SOX5: variants seen among roughly 807,000 people sequenced by gnomAD.
SOX5 encodes SRY-box transcription factor 5.
A neutral mutation model predicts 92.0 loss-of-function variants in SOX5; 9 were observed. That is an observed-to-expected ratio of 0.10 (90% CI 0.06 to 0.17). SOX5 has a LOEUF of 0.17. Among genes scored for constraint, SOX5 ranks in the 10% least tolerant of loss-of-function variants. The pLI is 1.00. For missense variants in SOX5, 642 were observed against 944.5 expected (o/e 0.68, Z 4.20); for synonymous variants, 344 against 336.3 (o/e 1.02, Z -0.25).
At chr12:24,275,016 G>C (rs1944269675) in intron 3 of SOX5, among the ~76,000 whole-genome samples, 1 of 146,536 alleles carries the variant, frequency 6.8e-6, no homozygotes, top group African/African-American at 2.5e-5. Context: ...GATCTACTGA[G>C]CAGGAATCCT....
intron 4 of SOX5, among the ~76,000 whole-genome samples, chr12:23,744,129 C>G (rs1246615582): frequency 1.9e-4 from 29 of 152,086 alleles, no homozygotes; most frequent in Admixed American, 1.8e-3. Context: ...CTTAGCTAAC[C>G]TTTTCTTCTC....
rs192917237 is a variant in SOX5 at position 24,393,073 on chromosome 12, T to G, written c.-250-24434A>C. ...GAGTGTGTGGGGGCATAAGTATTTT[T>G]TTCTTTTCTATCTCAACCACCACTC... On this transcript the variant is annotated intron_variant, in intron 1 of 4. Transcript: ENST00000446891. The surrounding 1 kb of genome is among the most constrained non-coding windows in gnomAD (Gnocchi z 5.0). Among the ~76,000 whole-genome samples, 208 of 152,340 alleles carry G rather than the reference T, an allele frequency of 1.4e-3. No individual in the cohort carries two copies. Among genetic ancestry groups the G allele is most frequent in the Non-Finnish European group, 2.6e-3 (175 of 68,034 alleles).
intron 1 of SOX5, among the ~76,000 whole-genome samples, chr12:23,899,630 T>C (rs1440969315): frequency 6.6e-6 from 1 of 152,110 alleles, no homozygotes; most frequent in South Asian, 2.1e-4. Context: ...CAGACAAATA[T>C]AATCTAATGT....
intron 1 of SOX5, among the ~76,000 whole-genome samples, chr12:24,520,674 A>G (rs1157116741): frequency 6.6e-6 from 1 of 152,110 alleles, no homozygotes; most frequent in East Asian, 1.9e-4. Flanking sequence ...AATGAGTTAA[A>G]TTCACCAATG....
At chr12:23,612,180 T>C (rs1367258981) in intron 8 of SOX5, among the ~76,000 whole-genome samples, 3 of 151,988 alleles carry the variant, frequency 2.0e-5, no homozygotes, top group South Asian at 4.1e-4. Context: ...AAAGGAGAGG[T>C]ATGCCATAAA....
At chr12:24,375,117 C>T (rs1312556920) in intron 1 of SOX5, among the ~76,000 whole-genome samples, 5 of 151,686 alleles carry the variant, frequency 3.3e-5, no homozygotes, top group Non-Finnish European at 4.4e-5. Context: ...GAACTACAGG[C>T]GCCCGCCACT....
chr12:23,612,574 T>C (rs17383893), intron 8 of SOX5, among the ~76,000 whole-genome samples: 37,322 of 152,060 alleles, frequency 0.25, 5,447 homozygotes, highest in Middle Eastern at 0.39. Context: ...GAAGATTTCT[T>C]TTGAGTCCAG....
At chr12:23,557,975 CAAA>C (rs371140908) in intron 11 of SOX5, among the ~76,000 whole-genome samples, 5 of 113,052 alleles carry the variant, frequency 4.4e-5, no homozygotes, top group Non-Finnish European at 3.5e-5. Context: ...GACTCCGCCT[CAAA>C]AAAAAAAAAA....
At chr12:23,708,986 G>C (rs1292416632) in intron 6 of SOX5, among the ~76,000 whole-genome samples, 2 of 152,124 alleles carry the variant, frequency 1.3e-5, no homozygotes, top group Non-Finnish European at 2.9e-5. Context: ...CCATTTCATA[G>C]AGCTGGAAAA....
intron 2 of SOX5, among the ~76,000 whole-genome samples, chr12:24,319,331 C>T (rs1413299585): frequency 3.9e-5 from 6 of 152,220 alleles, no homozygotes; most frequent in African/African-American, 1.2e-4. Flanking sequence ...ACTCCACTAT[C>T]AACCCCCATC....
intron 4 of SOX5, among the ~76,000 whole-genome samples, chr12:24,147,260 A>T (rs1437777420): frequency 6.6e-6 from 1 of 152,214 alleles, no homozygotes; most frequent in African/African-American, 2.4e-5. Context: ...TGGAATTTAT[A>T]CCAGGAATGC....
At chr12:24,510,054 C>T (rs1457383251) in intron 1 of SOX5, among the ~76,000 whole-genome samples, 1 of 152,168 alleles carries the variant, frequency 6.6e-6, no homozygotes, top group East Asian at 1.9e-4. Flanking sequence ...AAATAAGAAA[C>T]ATGTCATCTG....
chr12:24,288,059 C>A (rs1201303325), intron 2 of SOX5, among the ~76,000 whole-genome samples: 1 of 152,192 alleles, frequency 6.6e-6, no homozygotes, highest in Admixed American at 6.5e-5. Context: ...CCTTCTTATT[C>A]ATTGACAGAA....
At chr12:23,883,969 A>T (rs1474110111) in intron 2 of SOX5, among the ~76,000 whole-genome samples, 3 of 150,768 alleles carry the variant, frequency 2.0e-5, no homozygotes, top group East Asian at 1.9e-4. Context: ...CTCATTTCAA[A>T]TTTTTTTTTT....
At chr12:23,872,164 ATTTTTTTTTTT>A (rs71059938) in intron 2 of SOX5, among the ~76,000 whole-genome samples, 1 of 61,632 alleles carries the variant, frequency 1.6e-5, no homozygotes, top group Non-Finnish European at 3.2e-5. Context: ...CGCCCGGCTA[ATTTTTTTTTTT>A]TTTTTTTTTT....
chr12:23,891,756 G>A (rs2097131929), intron 2 of SOX5, among the ~76,000 whole-genome samples: 1 of 152,098 alleles, frequency 6.6e-6, no homozygotes, highest in African/African-American at 2.4e-5. Context: ...CTGGTAGCCA[G>A]AATAAAAAGA....
chr12:23,803,253 T>C (rs768298546), intron 3 of SOX5, among the ~76,000 whole-genome samples: 3 of 152,164 alleles, frequency 2.0e-5, no homozygotes, highest in Non-Finnish European at 4.4e-5. Context: ...TGGCCCACTG[T>C]TACCTCAAAA....
chr12:24,298,657 A>G (rs1947573775), intron 2 of SOX5, among the ~76,000 whole-genome samples: 1 of 151,864 alleles, frequency 6.6e-6, no homozygotes, highest in Non-Finnish European at 1.5e-5. Flanking sequence ...AGTATTTTAC[A>G]TATACTTTTT....
intron 1 of SOX5, among the ~76,000 whole-genome samples, chr12:24,414,619 C>T (rs1208512064): frequency 6.6e-6 from 1 of 152,188 alleles, no homozygotes; most frequent in East Asian, 1.9e-4. Flanking sequence ...AGAGGTGCCA[C>T]ATGTGATGAC....
Sources: gnomAD v4.1 joint callset for allele counts (sites outside exome capture counted in the v4.1 genomes callset) on GRCh38, gnomAD v4.1.1 for gene constraint, Gnocchi (gnomAD v3.1) non-coding constraint, MANE v1.5 for transcripts, NCBI Gene and HGNC (gene_info 2026-07-23, HGNC 2026-07-21) for gene names.